Variants in PPWD1 observed in about 807,000 individuals in gnomAD.
PPWD1 encodes peptidylprolyl isomerase domain and WD repeat-containing protein 1.
In PPWD1, 43 loss-of-function variants were observed where a neutral mutation model predicts 68.8. The ratio of observed to expected loss-of-function variants is 0.62; its 90% CI spans 0.49 to 0.81. The LOEUF is 0.81. PPWD1 is among the 30% of genes least tolerant of loss of function. The pLI is 0.00. For missense variants in PPWD1, 672 were observed against 804.8 expected (o/e 0.83, Z 2.00); for synonymous variants, 232 against 258.7 (o/e 0.90, Z 0.99).
chr5:65,567,458 A>T (rs3756301), intron 1 of PPWD1, 55 bp from the exon 2 acceptor site: 2 of 1,495,078 alleles, frequency 1.3e-6, no homozygotes, highest in Non-Finnish European at 9.0e-7. Context: ...AATACAAAAT[A>T]GTATTTGGTT....
At chr5:65,585,155 T>A (rs1380938315) in intron 9 of PPWD1, 60 bp downstream of exon 9, 1 of 1,485,508 alleles carries the variant, frequency 6.7e-7, no homozygotes, top group African/African-American at 1.4e-5. Context: ...AGCAAGAGAT[T>A]TAAGCGCAAG....
chr5:65,569,576 C>A, intron 2 of PPWD1, 56 bp from the exon 3 acceptor site: 1 of 1,488,632 alleles, frequency 6.7e-7, no homozygotes, highest in Non-Finnish European at 9.1e-7. Context: ...TTTGGGAATA[C>A]TAAGTGATTC....
At chr5:65,573,504 T>A (rs532287890) in intron 5 of PPWD1, among the ~76,000 whole-genome samples, 1 of 125,298 alleles carries the variant, frequency 8.0e-6, no homozygotes, top group East Asian at 2.2e-4. Flanking sequence ...TGGGTTTTTT[T>A]TAGTACAGAT....
Position 65,569,924 on chromosome 5 carries a change from T to C in PPWD1, c.447T>C (p.Cys149=), listed in dbSNP as rs2150592581. 6.2e-7 allele frequency: 1 copy of C among 1,612,522 alleles called. No homozygotes were observed. The highest frequency in any genetic ancestry group is 8.5e-7 in the Non-Finnish European group (1 of 1,178,926). The change falls in exon 4 of 11, where the codon TGT becomes TGC. Residue 149 remains cysteine (C), a synonymous_variant. Coordinates refer to ENST00000261308, the MANE Select transcript of PPWD1 (RefSeq NM_015342.4). ...TTAGCTCTGAGGGAGCATTGTTCTG[T>C]TCTGTGGGTGATGATAAAGCAATGA... is the stretch of plus-strand genomic sequence containing the variant. ...IAVSSEGALF[C]SVGDDKAMKV...
chr5:65,586,003 TTA>T lies in PPWD1; in HGVS notation c.1621_1622del (p.Met541AspfsTer22). Reference sequence around the variant, plus strand: ...TTTTGTGTACTTTCTGTTAAGGGCTTTATGATTCAGACTGGAGATCCAACAGG... The same window carrying T: ...TTTTGTGTACTTTCTGTTAAGGGCTTTGATTCAGACTGGAGATCCAACAGG... On this transcript the variant is annotated frameshift_variant, in exon 10 of 11. Transcript: ENST00000261308. LOFTEE classifies it high-confidence loss of function. 1.2e-6 allele frequency: 2 copies of T among 1,612,564 alleles called. No individual in the cohort carries two copies. The highest frequency in any genetic ancestry group is 1.7e-6 in the Non-Finnish European group (2 of 1,178,952).
chr5:65,576,828 ATATAGG>A (rs773833542), intron 5 of PPWD1, 45 bp from the exon 6 acceptor site: 25 of 1,571,560 alleles, frequency 1.6e-5, no homozygotes, highest in South Asian at 1.5e-4. Flanking sequence ...GTTGATATAG[ATATAGG>A]TATATGTATA....
intron 6 of PPWD1, among the ~76,000 whole-genome samples, chr5:65,578,786 A>ATG (rs1753446751): frequency 7.2e-6 from 1 of 138,044 alleles, no homozygotes; most frequent in Non-Finnish European, 1.6e-5. Flanking sequence ...ATATATGTGT[A>ATG]TATATATATA....
intron 5 of PPWD1, chr5:65,576,216 T>C (rs1753272843): frequency 1.6e-6 from 1 of 626,728 alleles, no homozygotes; most frequent in Non-Finnish European, 2.0e-6. Context: ...CTAGACACTT[T>C]AAAATTACCT....
chr5:65,575,715 T>C (rs1753251021), intron 5 of PPWD1, among the ~76,000 whole-genome samples: 1 of 152,234 alleles, frequency 6.6e-6, no homozygotes, highest in South Asian at 2.1e-4. Flanking sequence ...ATGCCTATCT[T>C]GAAATTTGTG....
At chr5:65,569,003 A>G in intron 2 of PPWD1, 1 of 455,870 alleles carries the variant, frequency 2.2e-6, no homozygotes, top group Non-Finnish European at 4.4e-6. Flanking sequence ...AGGCAAGTAC[A>G]TTTAACATTT....
At chr5:65,570,485 A>G in intron 4 of PPWD1, 1 of 318,658 alleles carries the variant, frequency 3.1e-6, no homozygotes, top group Non-Finnish European at 4.5e-6. Flanking sequence ...CTTTTTTAAG[A>G]TAACATAGAA....
intron 5 of PPWD1, among the ~76,000 whole-genome samples, chr5:65,573,476 T>A (rs1216488895): frequency 8.4e-5 from 5 of 59,666 alleles, no homozygotes; most frequent in Admixed American, 5.4e-4. Context: ...TATATATATA[T>A]TTTTTTTTTA....
chr5:65,571,772 G>A (rs1753013231), intron 4 of PPWD1, 67 bp from the exon 5 acceptor site: 1 of 1,552,690 alleles, frequency 6.4e-7, no homozygotes, highest in South Asian at 1.3e-5. Flanking sequence ...TTGGTAGTGG[G>A]ATAGGGAGGG....
rs775893381 is a variant in PPWD1, at chr5:65,563,315, C to T, written c.5C>T (p.Ala2Val). 2 of 1,611,892 alleles carry T rather than the reference C, an allele frequency of 1.2e-6. No individual in the cohort carries two copies. The highest frequency in any genetic ancestry group is 2.2e-5 in the East Asian group (1 of 44,874). Residue 2 changes from alanine (A) to valine (V), a missense_variant, in exon 1 of 11, where the codon GCG becomes GTG. By Grantham distance (64) the Ala-to-Val change is moderately conservative (BLOSUM62 0). Transcript: ENST00000261308. M[A>V]AESGSDFQQR... ...TTTTCTGACGATGCGAACAACATGGCGGCGGAAAGTGGTAGCGATTTTCAG... is the reference window on the plus strand; with the variant it reads ...TTTTCTGACGATGCGAACAACATGGTGGCGGAAAGTGGTAGCGATTTTCAG...
chr5:65,567,693 A>G (rs1374916592), intron 2 of PPWD1, 78 bp downstream of exon 2: 3 of 1,421,306 alleles, frequency 2.1e-6, no homozygotes, highest in African/African-American at 2.9e-5. Context: ...AGGTAGATTT[A>G]TAGAGATAAT....
At chr5:65,583,964 T>G (rs1753710489) in intron 8 of PPWD1, among the ~76,000 whole-genome samples, 1 of 151,836 alleles carries the variant, frequency 6.6e-6, no homozygotes, top group South Asian at 2.1e-4. Flanking sequence ...CAAAAACAAA[T>G]TACAACAAAA....
intron 6 of PPWD1, among the ~76,000 whole-genome samples, chr5:65,579,073 G>C (rs1310119482): frequency 2.6e-5 from 4 of 151,976 alleles, no homozygotes; most frequent in South Asian, 4.1e-4. Flanking sequence ...CTGCCACCAT[G>C]CTTGACCAAT....
rs578190125 is a variant in PPWD1 at position 65,578,997 on chromosome 5, C to T, written c.1161-427C>T. Among the ~76,000 whole-genome samples the T allele has an allele frequency of 2.0e-5, 3 of 151,904 alleles. No homozygotes were observed. The East Asian group carries it at 5.8e-4, about 29-fold the overall frequency. ...GCAGTGGCACGATCTCGGCTCACAA[C>T]CTCTGCCTCCTGAGTTCAAGTGATT... On this transcript the variant is annotated intron_variant, in intron 6 of 10. Coordinates refer to ENST00000261308, the MANE Select transcript of PPWD1 (RefSeq NM_015342.4).
At chr5:65,569,498 G>T in intron 2 of PPWD1, 134 bp from the exon 3 acceptor site, 1 of 1,072,340 alleles carries the variant, frequency 9.3e-7, no homozygotes, top group Non-Finnish European at 1.3e-6. Context: ...ATAGTGGTCT[G>T]CTTAAAGAAG....
Sources: gnomAD v4.1 joint callset for allele counts (sites outside exome capture counted in the v4.1 genomes callset) on GRCh38, gnomAD v4.1.1 for gene constraint, MANE v1.5 for transcripts, NCBI Gene and HGNC (gene_info 2026-07-23, HGNC 2026-07-21) for gene names.